Variants in MSTO1 observed in about 807,000 individuals in gnomAD.
MSTO1 encodes the protein protein misato homolog 1.
A neutral mutation model predicts 55.7 loss-of-function variants in MSTO1; 24 were observed. The ratio of observed to expected loss-of-function variants is 0.43; its 90% CI spans 0.31 to 0.61. MSTO1 has a LOEUF of 0.61. Among genes scored for constraint, MSTO1 ranks in the 20% least tolerant of loss-of-function variants. MSTO1 has a pLI of 0.09. For synonymous variants in MSTO1, 162 were observed against 252.8 expected (o/e 0.64, Z 3.41); for missense variants, 363 against 625.7 (o/e 0.58, Z 4.48).
the MSTO1 span, among the ~76,000 whole-genome samples, chr1:155,579,199 G>A: frequency 7.9e-5 from 12 of 152,062 alleles, no homozygotes; most frequent in African/African-American, 2.9e-4. Flanking sequence ...GGCAATCCTA[G>A]CTACTCGGGA....
At chr1:155,573,836 C>G in the MSTO1 span, among the ~76,000 whole-genome samples, 1 of 131,196 alleles carries the variant, frequency 7.6e-6, no homozygotes, top group African/African-American at 2.7e-5. Context: ...AAAACTCCAT[C>G]TCACAAAAAA....
At chr1:155,592,415 C>T in the MSTO1 span, among the ~76,000 whole-genome samples, 1 of 152,182 alleles carries the variant, frequency 6.6e-6, no homozygotes, top group South Asian at 2.1e-4. Context: ...AATCACATGA[C>T]TCCTCCTGTT....
Position 155,612,589 on chromosome 1 carries a change from G to T in MSTO1, c.966+19G>T, listed in dbSNP as rs200849222. ...TTATGATGTAAGTCTCGGTGCTCTT[G>T]TTCTGACTGCGGCAGGCTACAGGGC... On this transcript the variant is annotated intron_variant, in intron 9 of 13. Coordinates refer to ENST00000245564, the MANE Select transcript of MSTO1 (RefSeq NM_018116.4). The T allele has an allele frequency of 4.1e-5, 65 of 1,598,974 alleles. 1 individual carries two copies. The East Asian group carries it at 1.2e-3, about 29-fold the overall frequency.
chr1:155,572,760 C>A, the MSTO1 span, among the ~76,000 whole-genome samples: 1 of 151,980 alleles, frequency 6.6e-6, no homozygotes, highest in Admixed American at 6.6e-5. Flanking sequence ...AAGCGATTCT[C>A]CCACCTCAGC....
the MSTO1 span, among the ~76,000 whole-genome samples, chr1:155,600,673 C>T: frequency 6.6e-6 from 1 of 151,988 alleles, no homozygotes; most frequent in South Asian, 2.1e-4. Context: ...TTAGCCTCCC[C>T]AGTAGCTGGG....
chr1:155,584,104 C>T, the MSTO1 span, among the ~76,000 whole-genome samples: 3 of 152,176 alleles, frequency 2.0e-5, no homozygotes, highest in Non-Finnish European at 2.9e-5. Context: ...GCAGGTGGCT[C>T]ACGCTTGTAA....
chr1:155,613,396 C>G (rs781389977), intron 11 of MSTO1, 66 bp from the exon 12 acceptor site: 1 of 1,605,418 alleles, frequency 6.2e-7, no homozygotes. Context: ...GGCCTGAGAA[C>G]ATAAGAATTC....
At chr1:155,592,025 T>C in the MSTO1 span, among the ~76,000 whole-genome samples, 1 of 152,146 alleles carries the variant, frequency 6.6e-6, no homozygotes, top group Admixed American at 6.5e-5. Flanking sequence ...TGTTTTCCAC[T>C]CTGCTTTGTA....
At chr1:155,563,467 C>G in the MSTO1 span, 1 of 456,588 alleles carries the variant, frequency 2.2e-6, no homozygotes, top group East Asian at 6.9e-5. Flanking sequence ...AGTTGCCAAC[C>G]TGGGACCCGA....
chr1:155,611,380 A>G, intron 4 of MSTO1, 89 bp downstream of exon 4: 1 of 1,612,056 alleles, frequency 6.2e-7, no homozygotes. Context: ...TAATCATTTT[A>G]AGTGTCTTAG....
At chr1:155,592,887 A>T in the MSTO1 span, among the ~76,000 whole-genome samples, 2,156 of 151,088 alleles carry the variant, frequency 0.014, 55 homozygotes, top group African/African-American at 0.051. Context: ...GTTTCTGTGT[A>T]TACCTAAATT....
chr1:155,595,739 A>G, the MSTO1 span, among the ~76,000 whole-genome samples: 1 of 152,110 alleles, frequency 6.6e-6, no homozygotes, highest in Non-Finnish European at 1.5e-5. Context: ...GGCCTCCCAA[A>G]GTACTGGGAT....
At chr1:155,565,432 A>T in the MSTO1 span, among the ~76,000 whole-genome samples, 1 of 152,220 alleles carries the variant, frequency 6.6e-6, no homozygotes, top group Non-Finnish European at 1.5e-5. Context: ...TCCTTATAAT[A>T]AACAACACTT....
Position 155,614,912 on chromosome 1 carries a change from A to G in MSTO1, c.*639A>G, listed in dbSNP as rs191789876. The G allele has an allele frequency of 3.5e-5, 48 of 1,368,054 alleles. 1 individual carries two copies. The East Asian group carries it at 1.1e-3, about 33-fold the overall frequency. The allele number at this position is 1,368,054 out of a possible 1,614,324, so 84.7% of individuals were successfully genotyped here. A position where few individuals can be genotyped will look rare whatever the true frequency, so the allele number is the denominator to read the frequency against. ...GCTGTATTCACTGATCCTTAGTAAC[A>G]TGTTAACATTTATGAAGCACTATAT... On this transcript the variant is annotated 3_prime_UTR_variant, in exon 14 of 14. Transcript: ENST00000245564.
the MSTO1 span, among the ~76,000 whole-genome samples, chr1:155,603,270 G>A: frequency 6.6e-6 from 1 of 151,902 alleles, no homozygotes; most frequent in Non-Finnish European, 1.5e-5. Context: ...GTGGCCCCAT[G>A]CATGTAATCC....
the MSTO1 span, among the ~76,000 whole-genome samples, chr1:155,567,435 C>G: frequency 6.6e-6 from 1 of 151,888 alleles, no homozygotes; most frequent in Non-Finnish European, 1.5e-5. Flanking sequence ...CCTCAGCCTC[C>G]CGAGTAGCTG....
the MSTO1 span, among the ~76,000 whole-genome samples, chr1:155,576,528 T>C: frequency 1.1e-4 from 17 of 151,582 alleles, no homozygotes; most frequent in African/African-American, 3.4e-4. Flanking sequence ...GGTTTCACCA[T>C]GTTGGCCATG....
At chr1:155,576,780 A>G in the MSTO1 span, among the ~76,000 whole-genome samples, 1 of 150,782 alleles carries the variant, frequency 6.6e-6, no homozygotes, top group African/African-American at 2.4e-5. Context: ...TTGGGAGGCC[A>G]AACTGGGTGG....
the MSTO1 span, chr1:155,590,691 C>T: frequency 6.6e-7 from 1 of 1,514,040 alleles, no homozygotes; most frequent in Non-Finnish European, 8.9e-7. Context: ...GGCTGGGGCC[C>T]CGTGACCCCC....
Sources: allele counts gnomAD v4.1 joint callset (sites outside exome capture counted in the v4.1 genomes callset), GRCh38; gene constraint gnomAD v4.1.1; transcripts MANE v1.5; gene names NCBI Gene and HGNC (gene_info 2026-07-23, HGNC 2026-07-21).